The following FARP1 variants were observed in gnomAD, a reference collection of about 807,000 sequenced individuals.
FARP1 encodes the protein FERM, ARH/RhoGEF and pleckstrin domain protein 1.
In FARP1, 52 loss-of-function variants were observed where a neutral mutation model predicts 128.8. That is an observed-to-expected ratio of 0.40 (90% confidence interval 0.32 to 0.51). The LOEUF (loss-of-function observed/expected upper bound fraction) is 0.51. Ranked by LOEUF, FARP1 falls within the 20% of genes least tolerant of loss-of-function variation. The pLI is 0.45. For missense variants in FARP1, 1,333 were observed against 1,367.9 expected (o/e 0.97, Z 0.40); for synonymous variants, 580 against 551.8 (o/e 1.05, Z -0.72).
intron 2 of FARP1, among the ~76,000 whole-genome samples, chr13:98,277,275 C>T (rs932908708): frequency 2.0e-5 from 3 of 152,072 alleles, no homozygotes; most frequent in Non-Finnish European, 2.9e-5. Flanking sequence ...GCCATGGCCT[C>T]GCGTGTAGCT....
chr13:98,443,155 A>G (rs1892597552), intron 24 of FARP1, among the ~76,000 whole-genome samples: 2 of 152,196 alleles, frequency 1.3e-5, no homozygotes, highest in Admixed American at 1.3e-4. Context: ...CTTTTTTTTA[A>G]TGGCTGCTAC....
rs147009062 is a variant in FARP1 at position 98,402,207 on chromosome 13, C to G, written c.1414+6731C>G. ...CTGCTGGGGCCAGGTGCAGCAATTG[C>G]AGAATGTTGAGGAGTGAGGAGTAGT... On this transcript the variant is annotated intron_variant, in intron 13 of 26. Transcript: ENST00000319562. 2.5e-3 allele frequency: 377 copies of G among 152,444 alleles called. 3 individuals are homozygous for G. Among genetic ancestry groups the G allele is most frequent in the African/African-American group, 8.6e-3 (358 of 41,556 alleles). 9.4% of individuals were successfully genotyped at this position (152,444 alleles called of 1,614,324 possible).
At chr13:98,208,905 G>A (rs1458988586) in intron 1 of FARP1, among the ~76,000 whole-genome samples, 1 of 152,188 alleles carries the variant, frequency 6.6e-6, no homozygotes, top group Non-Finnish European at 1.5e-5. Context: ...CTACTCTTAA[G>A]GAAAAGGCTG....
intron 1 of FARP1, among the ~76,000 whole-genome samples, chr13:98,185,849 C>T (rs1159476483): frequency 6.6e-6 from 1 of 151,984 alleles, no homozygotes; most frequent in East Asian, 1.9e-4. Flanking sequence ...AGGTGCGTGC[C>T]ACCATGCCCG....
intron 1 of FARP1, among the ~76,000 whole-genome samples, chr13:98,180,955 A>C (rs1878462695): frequency 6.6e-6 from 1 of 151,948 alleles, no homozygotes; most frequent in Non-Finnish European, 1.5e-5. Flanking sequence ...TTGTTAGATT[A>C]TGTGTTTCCT....
chr13:98,414,146 G>T (rs775792118), intron 16 of FARP1, among the ~76,000 whole-genome samples: 4 of 152,230 alleles, frequency 2.6e-5, no homozygotes, highest in Non-Finnish European at 4.4e-5. Context: ...CTGTGAAAGA[G>T]TAGTGAGTTG....
chr13:98,194,064 A>G (rs1260915550), intron 1 of FARP1, among the ~76,000 whole-genome samples: 1 of 152,062 alleles, frequency 6.6e-6, no homozygotes, highest in East Asian at 1.9e-4. Flanking sequence ...GAAAATTTGT[A>G]TATGAATAAT....
At chr13:98,245,585 A>G (rs1191120384) in intron 2 of FARP1, among the ~76,000 whole-genome samples, 1 of 152,228 alleles carries the variant, frequency 6.6e-6, no homozygotes, top group Non-Finnish European at 1.5e-5. Context: ...AGCCTGAGCT[A>G]GATAGAATAG....
At chr13:98,368,275 C>G (rs1280750098) in intron 5 of FARP1, 80 bp downstream of exon 5, 1 of 990,006 alleles carries the variant, frequency 1.0e-6, no homozygotes, top group African/African-American at 1.6e-5. Context: ...ATTGATGACA[C>G]AAACATTTTC....
In FARP1 at chr13:98,454,835, A is replaced by C. The variant is rs971430309; in HGVS notation, c.*6518A>C. Reference sequence around the variant, plus strand: ...CCTGCAGAGAGATGATAAGCACCTCAAGAGGCAGCTCATCTGAGGACAGAG... The same window carrying C: ...CCTGCAGAGAGATGATAAGCACCTCCAGAGGCAGCTCATCTGAGGACAGAG... On this transcript the variant is annotated 3_prime_UTR_variant, in exon 27 of 27. Coordinates refer to ENST00000319562, the MANE Select transcript of FARP1 (RefSeq NM_005766.4). 2 of 152,278 alleles carry C rather than the reference A, an allele frequency of 1.3e-5. No individual in the cohort carries two copies. The highest frequency in any genetic ancestry group is 2.4e-5 in the African/African-American group (1 of 41,468). 9.4% of individuals were successfully genotyped at this position (152,278 alleles called of 1,614,324 possible). A position where few individuals can be genotyped will look rare whatever the true frequency, so the allele number is the denominator to read the frequency against.
intron 1 of FARP1, among the ~76,000 whole-genome samples, chr13:98,155,145 G>C (rs1452051692): frequency 6.6e-6 from 1 of 152,066 alleles, no homozygotes; most frequent in East Asian, 1.9e-4. Context: ...TTGGGAGTTC[G>C]AGACCAGCCT....
At chr13:98,150,569 T>C (rs1875923015) in intron 1 of FARP1, among the ~76,000 whole-genome samples, 1 of 152,214 alleles carries the variant, frequency 6.6e-6, no homozygotes, top group Admixed American at 6.5e-5. Context: ...AGGAAAACAT[T>C]TTACATGGTC....
At chr13:98,143,016 C>T (rs1227898085), upstream of FARP1, 3 of 148,342 alleles carry the variant, frequency 2.0e-5, no homozygotes, top group Non-Finnish European at 3.0e-5. Flanking sequence ...CTCCCGCGTC[C>T]CCGCTGCTCG....
intron 19 of FARP1, chr13:98,435,992 T>C: frequency 2.6e-6 from 1 of 386,144 alleles, no homozygotes; most frequent in Non-Finnish European, 5.1e-6. Flanking sequence ...TTGAGATTGC[T>C]TATTTTATTT....
intron 1 of FARP1, among the ~76,000 whole-genome samples, chr13:98,203,217 C>G (rs568174013): frequency 6.6e-6 from 1 of 152,174 alleles, no homozygotes. Flanking sequence ...GGAATATTCA[C>G]GGACACATAG....
intron 2 of FARP1, among the ~76,000 whole-genome samples, chr13:98,226,597 C>G (rs575091848): frequency 2.6e-5 from 4 of 151,970 alleles, no homozygotes; most frequent in Non-Finnish European, 5.9e-5. Context: ...GCTGTGACTT[C>G]TAGCTGTGTA....
intron 4 of FARP1, among the ~76,000 whole-genome samples, chr13:98,367,384 G>A (rs1327352852): frequency 6.6e-6 from 1 of 152,102 alleles, no homozygotes; most frequent in African/African-American, 2.4e-5. Flanking sequence ...CCTGGCCACA[G>A]ATGATCCGCC....
chr13:98,367,448 C>T (rs77408796), intron 4 of FARP1, among the ~76,000 whole-genome samples: 6,490 of 152,014 alleles, frequency 0.043, 162 homozygotes, highest in Middle Eastern at 0.096. Context: ...CGCGCCTGGC[C>T]ACAGATTATT....
At chr13:98,336,395 A>G (rs1286383263) in intron 2 of FARP1, among the ~76,000 whole-genome samples, 1 of 152,048 alleles carries the variant, frequency 6.6e-6, no homozygotes, top group African/African-American at 2.4e-5. Flanking sequence ...TCATCCTCCC[A>G]AGTAGCTGGG....
Sources: allele counts gnomAD v4.1 joint callset (sites outside exome capture counted in the v4.1 genomes callset), GRCh38; gene constraint gnomAD v4.1.1; transcripts MANE v1.5; gene names NCBI Gene and HGNC (gene_info 2026-07-23, HGNC 2026-07-21).